RIIAD1: variants seen among roughly 807,000 people sequenced by gnomAD.
The protein encoded by RIIAD1 is RIIa domain-containing protein 1.
Under a neutral mutation model 13.3 loss-of-function variants are expected in RIIAD1, and 15 were observed. The observed-to-expected ratio is 1.13, with a 90% CI of 0.76 to 1.74. RIIAD1 has a LOEUF of 1.74. Ranked by LOEUF, RIIAD1 falls within the 40% of genes most tolerant of loss-of-function variation. The pLI is 0.00. For missense variants in RIIAD1, 121 were observed against 112.2 expected (o/e 1.08, Z -0.35); for synonymous variants, 50 against 43.3 (o/e 1.16, Z -0.61).
intron 2 of RIIAD1, among the ~76,000 whole-genome samples, chr1:151,722,561 T>C (rs1673757726): frequency 6.6e-6 from 1 of 152,164 alleles, no homozygotes. Context: ...CCCACCCTCC[T>C]TTCAGCCTGG....
intron 2 of RIIAD1, among the ~76,000 whole-genome samples, chr1:151,712,594 A>G (rs75848391): frequency 0.033 from 5,028 of 152,118 alleles, 272 homozygotes; most frequent in African/African-American, 0.11. Flanking sequence ...ATGATGCCAC[A>G]CCCTGCTCAG....
chr1:151,727,141 A>G (rs1673845320), intron 2 of RIIAD1, among the ~76,000 whole-genome samples: 1 of 152,184 alleles, frequency 6.6e-6, no homozygotes, highest in African/African-American at 2.4e-5. Context: ...AAAATTAGCC[A>G]TCGCACATGC....
chr1:151,728,823 A>C lies in RIIAD1; in HGVS notation c.266A>C (p.Lys89Thr), dbSNP rs1005907148. The part of the protein sequence containing the change: ...NKIHMQLIKD[K>T]KAA ...ATTCACATGCAGCTAATTAAAGACAAGAAAGCGGCTTAATTAGCAAAATCA... is the reference window on the plus strand; with the variant it reads ...ATTCACATGCAGCTAATTAAAGACACGAAAGCGGCTTAATTAGCAAAATCA... Residue 89 changes from lysine to threonine, a missense_variant, in exon 4 of 5, where the codon AAG becomes ACG. Transcript: ENST00000479191. 2 of 1,540,888 alleles carry C rather than the reference A, an allele frequency of 1.3e-6. No homozygotes were observed. The highest frequency in any genetic ancestry group is 1.4e-5 in the African/African-American group (1 of 72,848).
intron 2 of RIIAD1, among the ~76,000 whole-genome samples, chr1:151,725,700 T>C (rs1349536850): frequency 6.6e-6 from 1 of 152,234 alleles, no homozygotes; most frequent in Non-Finnish European, 1.5e-5. Context: ...AATTTTACAC[T>C]ATGTGCTCTT....
At chr1:151,725,900 T>C (rs182883480) in intron 2 of RIIAD1, among the ~76,000 whole-genome samples, 92 of 152,308 alleles carry the variant, frequency 6.0e-4, no homozygotes, top group Admixed American at 2.4e-3. Flanking sequence ...ACTCCCTGCA[T>C]GCGTCCCTCA....
chr1:151,716,661 T>TCCC, upstream of RIIAD1: 2 of 236,374 alleles, frequency 8.5e-6, no homozygotes, highest in South Asian at 3.6e-5. Flanking sequence ...CTTCAGGTCC[T>TCCC]CCCCTCAGCC....
intron 2 of RIIAD1, among the ~76,000 whole-genome samples, chr1:151,724,077 T>A (rs987262761): frequency 6.6e-6 from 1 of 152,236 alleles, no homozygotes; most frequent in Non-Finnish European, 1.5e-5. Flanking sequence ...TTGGGGTTGA[T>A]GAATAAGAAT....
upstream of RIIAD1, among the ~76,000 whole-genome samples, chr1:151,717,146 G>C (rs1385632217): frequency 1.3e-5 from 2 of 152,172 alleles, no homozygotes; most frequent in African/African-American, 4.8e-5. Context: ...GGGGTGGCGG[G>C]GAAAGAGGGG....
rs115538493 is a variant in RIIAD1, at chr1:151,727,702, C to A, written c.208+81C>A. 2,496 of 895,376 alleles carry A rather than the reference C, an allele frequency of 2.8e-3. 48 individuals are homozygous for A. The African/African-American group carries it at 0.067, about 24-fold the overall frequency. 55.5% of individuals were successfully genotyped at this position (895,376 alleles called of 1,614,324 possible). The stretch of plus-strand genomic sequence containing the variant: ...ATTGTGAGTTTAGACTTGAATGAGC[C>A]CAGGATTCTCCCAGAGTCTGGGGTA... On this transcript the variant is annotated intron_variant, in intron 3 of 4. Transcript: ENST00000479191.
intron 2 of RIIAD1, 151 bp from the exon 3 acceptor site, chr1:151,727,424 G>T: frequency 1.5e-6 from 1 of 674,472 alleles, no homozygotes; most frequent in African/African-American, 1.8e-5. Context: ...AATCATGAAT[G>T]AAAGGGTCTT....
chr1:151,728,803 CAT>C lies in RIIAD1; in HGVS notation c.247_248del (p.Met83AlafsTer4). On this transcript the variant is annotated frameshift_variant, in exon 4 of 5. Transcript: ENST00000479191. LOFTEE classifies it high-confidence loss of function. ...TDPRLPNKIH[M>X]QLIKDKKAA ...ATCCAAGACTTCCCAACAAGATTCACATGCAGCTAATTAAAGACAAGAAAGCG... is the reference window on the plus strand; with the variant it reads ...ATCCAAGACTTCCCAACAAGATTCACGCAGCTAATTAAAGACAAGAAAGCG... 6.5e-7 allele frequency: 1 copy of C among 1,546,052 alleles called. No individual in the cohort carries two copies. Among genetic ancestry groups the C allele is most frequent in the Non-Finnish European group, 8.8e-7 (1 of 1,142,002 alleles).
At chr1:151,727,092 C>T (rs1571950172) in intron 2 of RIIAD1, among the ~76,000 whole-genome samples, 1 of 152,124 alleles carries the variant, frequency 6.6e-6, no homozygotes, top group Admixed American at 6.5e-5. Flanking sequence ...AGTTAGAAAC[C>T]AGCCTGGGCC....
At chr1:151,716,143 GCCCCCAAC>G in intron 4 of RIIAD1, 1 of 1,000,128 alleles carries the variant, frequency 1.0e-6, no homozygotes, top group South Asian at 1.7e-5. Flanking sequence ...TTTCCCTTTG[GCCCCCAAC>G]CACGCTGCTA....
intron 4 of RIIAD1, chr1:151,715,868 C>T (rs772777189): frequency 5.6e-6 from 9 of 1,610,416 alleles, no homozygotes; most frequent in South Asian, 5.5e-5. Context: ...GCCTGCCCGA[C>T]CCCTCACCCT....
intron 4 of RIIAD1, among the ~76,000 whole-genome samples, chr1:151,715,376 C>T (rs1190566549): frequency 6.6e-6 from 1 of 152,132 alleles, no homozygotes; most frequent in African/African-American, 2.4e-5. Context: ...AGCCTTCATG[C>T]CCTGCTTCCT....
At chr1:151,727,300 G>A (rs182003114) in intron 2 of RIIAD1, among the ~76,000 whole-genome samples, 1 of 152,132 alleles carries the variant, frequency 6.6e-6, no homozygotes, top group African/African-American at 2.4e-5. Context: ...GATTGTTGAC[G>A]GAATGACAAG....
At chr1:151,715,798 C>CCA in intron 4 of RIIAD1, 1 of 1,595,046 alleles carries the variant, frequency 6.3e-7, no homozygotes. Context: ...CCCAGCCGCT[C>CCA]CACCCCTCCA....
At chr1:151,716,245 A>C (rs1000554424) in intron 4 of RIIAD1, 1 of 497,372 alleles carries the variant, frequency 2.0e-6, no homozygotes, top group African/African-American at 1.9e-5. Context: ...CTGTCATGCC[A>C]CCAGGGGGCA....
chr1:151,714,163 T>A (rs1184316802), intron 3 of RIIAD1, among the ~76,000 whole-genome samples: 2 of 151,928 alleles, frequency 1.3e-5, no homozygotes, highest in Non-Finnish European at 2.9e-5. Context: ...CGGCACCAGC[T>A]GCCTGTTCTC....
Sources: gnomAD v4.1 joint callset for allele counts (sites outside exome capture counted in the v4.1 genomes callset) on GRCh38, gnomAD v4.1.1 for gene constraint, MANE v1.5 for transcripts, NCBI Gene and HGNC (gene_info 2026-07-23, HGNC 2026-07-21) for gene names.